The following CCDC141 variants were observed in gnomAD, a reference collection of about 807,000 sequenced individuals.
CCDC141 encodes coiled-coil domain containing 141.
CCDC141 carries 168 observed loss-of-function variants against 181.0 expected under a neutral mutation model. The ratio of observed to expected loss-of-function variants is 0.93; its 90% confidence interval spans 0.82 to 1.05. CCDC141 has a LOEUF of 1.05. CCDC141 is among the 50% of genes least tolerant of loss of function. The pLI, the probability that CCDC141 is intolerant of heterozygous loss-of-function variation, is 0.00. For missense variants in CCDC141, 1,902 were observed against 1,788.5 expected (o/e 1.06, Z -1.14); for synonymous variants, 666 against 642.3 (o/e 1.04, Z -0.56).
At chr2:179,040,667 G>A (rs779062820) in intron 2 of CCDC141, among the ~76,000 whole-genome samples, 3 of 152,120 alleles carry the variant, frequency 2.0e-5, no homozygotes, top group Admixed American at 2.0e-4. Flanking sequence ...AGTTTGCTAA[G>A]GACAATGGAC....
intron 5 of CCDC141, among the ~76,000 whole-genome samples, chr2:178,945,636 A>T (rs1278796877): frequency 6.6e-6 from 1 of 152,126 alleles, no homozygotes. Flanking sequence ...ATGACTTCAA[A>T]TCTGAAAAAT....
At chr2:179,047,695 T>C (rs1374805747) in intron 1 of CCDC141, among the ~76,000 whole-genome samples, 1 of 152,202 alleles carries the variant, frequency 6.6e-6, no homozygotes, top group African/African-American at 2.4e-5. Flanking sequence ...AAACATACAA[T>C]GGATTACGTA....
intron 6 of CCDC141, among the ~76,000 whole-genome samples, chr2:178,926,297 G>T (rs899566291): frequency 6.6e-6 from 1 of 152,044 alleles, no homozygotes; most frequent in Non-Finnish European, 1.5e-5. Flanking sequence ...TAGAATAATT[G>T]ATATATAATT....
intron 8 of CCDC141, among the ~76,000 whole-genome samples, chr2:178,903,386 A>G (rs1687800420): frequency 6.6e-6 from 1 of 152,128 alleles, no homozygotes; most frequent in Non-Finnish European, 1.5e-5. Flanking sequence ...GACTGGATTA[A>G]GAAAATGTGG....
At position 178,947,779 on chromosome 2, in the gene CCDC141, C is replaced by T. The variant is rs573558070; in HGVS notation, c.781-3128G>A. The stretch of plus-strand genomic sequence containing the variant: ...AACCTGCACTGTCCAATACGGTAGC[C>T]TCTCATCATACATAGCTATCTTGTA... On this transcript the variant is annotated intron_variant, in intron 5 of 23. Coordinates refer to ENST00000443758, the MANE Select transcript of CCDC141 (RefSeq NM_173648.4). Among the ~76,000 whole-genome samples, 5 of 152,338 alleles carry T rather than the reference C, an allele frequency of 3.3e-5. 1 individual carries two copies. In the East Asian group the frequency reaches 9.6e-4, roughly 29 times the overall value.
At chr2:178,904,880 T>C (rs1344242466) in intron 8 of CCDC141, among the ~76,000 whole-genome samples, 1 of 151,938 alleles carries the variant, frequency 6.6e-6, no homozygotes, top group Admixed American at 6.6e-5. Context: ...TTACTTAGGG[T>C]TTTGCATGGT....
At chr2:178,846,727 G>A (rs947001749) in intron 21 of CCDC141, among the ~76,000 whole-genome samples, 3 of 152,052 alleles carry the variant, frequency 2.0e-5, no homozygotes, top group Non-Finnish European at 2.9e-5. Flanking sequence ...ATTGACTATT[G>A]GGGCCCATGT....
At chr2:178,854,342 G>A (rs1685291427) in intron 19 of CCDC141, among the ~76,000 whole-genome samples, 1 of 152,106 alleles carries the variant, frequency 6.6e-6, no homozygotes, top group African/African-American at 2.4e-5. Flanking sequence ...GGCTAACACG[G>A]TGAAACCCCA....
chr2:178,978,733 A>G, intron 2 of CCDC141, 58 bp from the exon 3 acceptor site: 1 of 1,308,544 alleles, frequency 7.6e-7, no homozygotes, highest in Non-Finnish European at 1.0e-6. Context: ...AGAACACAGG[A>G]TCACATTTTA....
chr2:179,033,573 G>A (rs60302921), intron 2 of CCDC141, among the ~76,000 whole-genome samples: 15,297 of 152,004 alleles, frequency 0.1, 1,164 homozygotes, highest in Admixed American at 0.2. Context: ...TTGAAGACTG[G>A]GAGTAGGGGA....
chr2:178,853,386 C>T, intron 20 of CCDC141, 55 bp downstream of exon 20: 1 of 1,507,956 alleles, frequency 6.6e-7, no homozygotes, highest in Non-Finnish European at 9.2e-7. Flanking sequence ...CTGGATTAGG[C>T]TCAGTATAGA....
At chr2:178,962,128 T>G (rs560738938) in intron 4 of CCDC141, among the ~76,000 whole-genome samples, 1 of 152,304 alleles carries the variant, frequency 6.6e-6, no homozygotes, top group Admixed American at 6.5e-5. Flanking sequence ...TAATGAAGCA[T>G]AGATATCTGC....
At chr2:178,889,425 A>C (rs1223195919) in intron 8 of CCDC141, among the ~76,000 whole-genome samples, 2 of 152,156 alleles carry the variant, frequency 1.3e-5, no homozygotes, top group Non-Finnish European at 2.9e-5. Flanking sequence ...CCTATCCTTA[A>C]GACTATTTAA....
In CCDC141 at chr2:178,832,357, C is replaced by T. The variant is rs1684279869; in HGVS notation, c.*1816G>A. The T allele has an allele frequency of 6.6e-6, 1 of 151,186 alleles. No homozygotes were observed. The highest frequency in any genetic ancestry group is 1.5e-5 in the Non-Finnish European group (1 of 67,926). The allele number at this position is 151,186 out of a possible 1,614,324, so 9.4% of individuals were successfully genotyped here. ...ATATTAGGTAGGCATGCCTGTAATC[C>T]TAGCTACTCAGGAGGCTGAAGCAGG... On this transcript the variant is annotated 3_prime_UTR_variant, in exon 24 of 24. Coordinates refer to ENST00000443758, the MANE Select transcript of CCDC141 (RefSeq NM_173648.4).
downstream of CCDC141, chr2:178,825,605 A>C (rs2154364780): frequency 7.0e-6 from 1 of 143,276 alleles, no homozygotes; most frequent in East Asian, 2.2e-4. Flanking sequence ...ACCTCTCCCA[A>C]ATCTGCCCCC....
rs139065002 is a variant in CCDC141 at position 178,887,784 on chromosome 2, A to G, written c.1407+743T>C. ...ATTCTATTCATGTAAGTTCAGGCAT[A>G]TAAGTCCACCGTATCAAACGAAAAC... On this transcript the variant is annotated intron_variant, in intron 9 of 23. Coordinates refer to ENST00000443758, the MANE Select transcript of CCDC141 (RefSeq NM_173648.4). Among the ~76,000 whole-genome samples the G allele has an allele frequency of 1.8e-4, 27 of 152,376 alleles. No homozygotes were observed. In the East Asian group the frequency reaches 3.8e-3, roughly 22 times the overall value.
chr2:178,973,629 T>G (rs1435296176), intron 4 of CCDC141, among the ~76,000 whole-genome samples: 1 of 151,894 alleles, frequency 6.6e-6, no homozygotes. Context: ...AAGACTACAT[T>G]CCCCCTGCCA....
At chr2:178,954,937 G>C (rs1690098725) in intron 5 of CCDC141, among the ~76,000 whole-genome samples, 2 of 152,180 alleles carry the variant, frequency 1.3e-5, no homozygotes, top group Admixed American at 1.3e-4. Flanking sequence ...GTGACACTCA[G>C]CTTAGTGTTC....
rs199532854 is a variant in CCDC141, at chr2:178,834,267, C to T, written c.4499G>A (p.Gly1500Asp). The change falls in exon 24 of 24, where the codon GGT (glycine) becomes GAT (aspartate). Residue 1500 changes from glycine (G) to aspartate (D), a missense_variant. Coordinates refer to ENST00000443758, the MANE Select transcript of CCDC141 (RefSeq NM_173648.4). Reference protein sequence around the residue: ...LSSNVILHVTGNCRLPITRVN... With the variant: ...LSSNVILHVTDNCRLPITRVN... ...TCTTGTGATTGGCAGCCTGCAGTTA[C>T]CTGTCACGTGGAGGATGACATTGGA... The T allele has an allele frequency of 1.3e-6, 2 of 1,536,132 alleles. No homozygotes were observed. Among genetic ancestry groups the T allele is most frequent in the African/African-American group, 1.4e-5 (1 of 73,158 alleles).
Sources: gnomAD v4.1 joint callset for allele counts (sites outside exome capture counted in the v4.1 genomes callset) on GRCh38, gnomAD v4.1.1 for gene constraint, MANE v1.5 for transcripts, NCBI Gene and HGNC (gene_info 2026-07-23, HGNC 2026-07-21) for gene names.